NIPBL: variants seen among roughly 807,000 people sequenced by gnomAD.
The protein encoded by NIPBL is nipped-B-like protein.
A neutral mutation model predicts 321.8 loss-of-function variants in NIPBL; 19 were observed. The ratio of observed to expected loss-of-function variants is 0.06; its 90% CI spans 0.04 to 0.09. NIPBL has a LOEUF of 0.09. NIPBL is among the 10% of genes least tolerant of loss of function. The pLI is 1.00. For missense variants in NIPBL, 2,210 were observed against 3,327.0 expected (o/e 0.66, Z 8.26); for synonymous variants, 1,106 against 1,114.1 (o/e 0.99, Z 0.14).
intron 1 of NIPBL, among the ~76,000 whole-genome samples, chr5:36,926,858 A>G (rs756584222): frequency 1.3e-5 from 2 of 152,214 alleles, no homozygotes; most frequent in Non-Finnish European, 1.5e-5. Flanking sequence ...TAGATTGTGT[A>G]AATTCAAGTT....
chr5:37,014,665 C>T lies in NIPBL; in HGVS notation c.4561-18C>T. On this transcript the variant is annotated intron_variant, in intron 21 of 46. Transcript: ENST00000282516. ...ATTATTTCTTGTATCTTTATAAACT[C>T]ACTTTTTTTCATTCTAGATTGACCA... 6.7e-7 allele frequency: 1 copy of T among 1,492,170 alleles called. No individual in the cohort carries two copies. Among genetic ancestry groups the T allele is most frequent in the Non-Finnish European group, 9.3e-7 (1 of 1,069,520 alleles). 92.4% of individuals were successfully genotyped at this position (1,492,170 alleles called of 1,614,324 possible).
intron 9 of NIPBL, among the ~76,000 whole-genome samples, chr5:36,981,665 A>C (rs1744158539): frequency 6.6e-6 from 1 of 151,500 alleles, no homozygotes; most frequent in South Asian, 2.1e-4. Context: ...ATGTGCTGAA[A>C]ATTTCTGCTT....
chr5:36,997,370 G>A (rs929473700), intron 11 of NIPBL, among the ~76,000 whole-genome samples: 2 of 152,192 alleles, frequency 1.3e-5, no homozygotes, highest in Admixed American at 1.3e-4. Flanking sequence ...TCACAGTTAA[G>A]TGGAAAGGAT....
rs1202865142 is a variant in NIPBL at position 37,059,075 on chromosome 5, C to T, written c.7595C>T (p.Pro2532Leu). 13 of 1,614,038 alleles carry T rather than the reference C, an allele frequency of 8.1e-6. No individual in the cohort carries two copies. Among genetic ancestry groups the T allele is most frequent in the Non-Finnish European group, 1.1e-5 (13 of 1,180,016 alleles). ...VMKCLPENSA[P>L]LIEFANVSQG... ...AAATGTTTGCCAGAAAATTCAGCTC[C>T]TTTAATCGAATTTGCAAATGTGTCC... The change falls in exon 44 of 47, where the codon CCT becomes CTT. Residue 2532 changes from proline to leucine, a missense_variant. Physicochemically the swap from Pro to Leu is moderately conservative, Grantham distance 98 (BLOSUM62 -3). Around this residue, in one of 14 missense-constraint regions of NIPBL, gnomAD observed 79 missense variants for 90.8 expected, o/e 0.87. Transcript: ENST00000282516.
At chr5:37,021,993 T>A in intron 27 of NIPBL, 58 bp from the exon 28 acceptor site, 1 of 1,310,702 alleles carries the variant, frequency 7.6e-7, no homozygotes, top group Non-Finnish European at 1.1e-6. Flanking sequence ...TTCATGCTAT[T>A]TTTAATTAAA....
intron 1 of NIPBL, among the ~76,000 whole-genome samples, chr5:36,941,368 A>G (rs931771605): frequency 2.6e-5 from 4 of 152,114 alleles, no homozygotes; most frequent in East Asian, 1.9e-4. Flanking sequence ...TTAAACAACA[A>G]TAAAAGTCTC....
At chr5:37,001,107 A>G (rs1746745321) in intron 14 of NIPBL, 29 bp downstream of exon 14, 4 of 1,397,406 alleles carry the variant, frequency 2.9e-6, no homozygotes, top group East Asian at 2.3e-5. Flanking sequence ...ACATTTACAC[A>G]TACTCTAAGT....
In NIPBL at chr5:36,996,541, T is replaced by A; in HGVS notation, c.3304+737T>A. On this transcript the variant is annotated intron_variant, in intron 11 of 46. Transcript: ENST00000282516. This position sits in a 1 kb window ranked among gnomAD's most constrained non-coding sequence, Gnocchi z 5.0. ...TCACCTGTCTTTGCACTAGACTTGC[T>A]ATACCTCGCCTGTCTTCCTACTGGT... is the stretch of plus-strand genomic sequence containing the variant. 2.2e-6 allele frequency: 1 copy of A among 456,434 alleles called. No individual in the cohort carries two copies. The highest frequency in any genetic ancestry group is 2.3e-5 in the Admixed American group (1 of 42,566). 28.3% of individuals were successfully genotyped at this position (456,434 alleles called of 1,614,324 possible). A position where few individuals can be genotyped will look rare whatever the true frequency, so the allele number is the denominator to read the frequency against.
chr5:36,922,236 A>AT (rs1262338897), intron 1 of NIPBL, among the ~76,000 whole-genome samples: 2 of 151,708 alleles, frequency 1.3e-5, no homozygotes, highest in Non-Finnish European at 2.9e-5. Flanking sequence ...ATCACTGCCC[A>AT]TTTTCCACCT....
chr5:37,056,406 G>T (rs1042664902), intron 42 of NIPBL, among the ~76,000 whole-genome samples: 1 of 152,000 alleles, frequency 6.6e-6, no homozygotes, highest in African/African-American at 2.4e-5. Context: ...ATATTTAAAA[G>T]AAATTTGAAT....
chr5:36,939,073 G>T (rs1315811981), intron 1 of NIPBL, among the ~76,000 whole-genome samples: 2 of 152,112 alleles, frequency 1.3e-5, no homozygotes, highest in African/African-American at 2.4e-5. Flanking sequence ...TGTAGTCATA[G>T]CTTATTGCAC....
chr5:36,894,768 G>A (rs1033499355), intron 1 of NIPBL, among the ~76,000 whole-genome samples: 1 of 152,110 alleles, frequency 6.6e-6, no homozygotes, highest in Non-Finnish European at 1.5e-5. Context: ...CCTATGTGTA[G>A]GAGTTATAGA....
At chr5:37,040,419 T>G (rs1752205129) in intron 34 of NIPBL, among the ~76,000 whole-genome samples, 1 of 152,144 alleles carries the variant, frequency 6.6e-6, no homozygotes, top group African/African-American at 2.4e-5. Flanking sequence ...TTTATAGTTG[T>G]GGACACAGAG....
intron 36 of NIPBL, among the ~76,000 whole-genome samples, chr5:37,045,037 T>C (rs1752830439): frequency 6.6e-6 from 1 of 152,192 alleles, no homozygotes; most frequent in South Asian, 2.1e-4. Context: ...TCTAGACATA[T>C]TTAATATTTA....
In NIPBL at chr5:37,028,606, G is replaced by A. The variant is rs1005512695; in HGVS notation, c.5862+1194G>A. On this transcript the variant is annotated intron_variant, in intron 32 of 46. Coordinates refer to ENST00000282516, the MANE Select transcript of NIPBL (RefSeq NM_133433.4). The stretch of plus-strand genomic sequence containing the variant: ...TCTGCCCACCTCGGCCTCCCAAAGT[G>A]CTGAGATACAGGTGTGGGCCACCAT... Among the ~76,000 whole-genome samples, 5 of 152,100 alleles carry A rather than the reference G, an allele frequency of 3.3e-5. No homozygotes were observed. The East Asian group carries it at 5.8e-4, about 18-fold the overall frequency.
chr5:36,950,412 A>T (rs148191466), intron 1 of NIPBL, among the ~76,000 whole-genome samples: 1,573 of 152,150 alleles, frequency 0.01, 12 homozygotes, highest in Middle Eastern at 0.02. Context: ...CACCACTTAG[A>T]GGTGGGCTAC....
chr5:36,883,312 T>C lies in NIPBL; in HGVS notation c.-80+6134T>C, dbSNP rs545695099. Reference sequence around the variant, plus strand: ...TTCTCTTTTGTACATATTTCTCCTTTGACAGAAAAGAAAAACTTTTTCAGA... The same window carrying C: ...TTCTCTTTTGTACATATTTCTCCTTCGACAGAAAAGAAAAACTTTTTCAGA... On this transcript the variant is annotated intron_variant, in intron 1 of 46. Coordinates refer to ENST00000282516, the MANE Select transcript of NIPBL (RefSeq NM_133433.4). Among the ~76,000 whole-genome samples the C allele has an allele frequency of 2.0e-5, 3 of 152,020 alleles. No homozygotes were observed. The East Asian group carries it at 5.8e-4, about 29-fold the overall frequency.
At position 36,975,906 on chromosome 5, in the gene NIPBL, G is replaced by C. The variant is rs1396240068; in HGVS notation, c.999G>C (p.Lys333Asn). Residue 333 changes from lysine to asparagine, a missense_variant, in exon 9 of 47, where the codon AAG (lysine) becomes AAC (asparagine). Transcript: ENST00000282516. The stretch of plus-strand genomic sequence containing the variant: ...AGCAGAAGAAAATGAAATTAGGCAA[G>C]GATGAAAAAGAGCAGAGTGAGAAAG... ...QKKQKKMKLG[K>N]DEKEQSEKAA... The C allele has an allele frequency of 1.2e-6, 2 of 1,612,630 alleles. No individual in the cohort carries two copies. The highest frequency in any genetic ancestry group is 1.7e-6 in the Non-Finnish European group (2 of 1,179,314).
intron 29 of NIPBL, among the ~76,000 whole-genome samples, chr5:37,023,376 A>T (rs954962597): frequency 6.6e-6 from 1 of 152,216 alleles, no homozygotes; most frequent in African/African-American, 2.4e-5. Flanking sequence ...TGCACACTTC[A>T]TGTATGATGC....
Sources: allele counts gnomAD v4.1 joint callset (sites outside exome capture counted in the v4.1 genomes callset), GRCh38; gene constraint gnomAD v4.1.1; regional missense constraint gnomAD v4.1.1; non-coding constraint Gnocchi (gnomAD v3.1); transcripts MANE v1.5; gene names NCBI Gene and HGNC (gene_info 2026-07-23, HGNC 2026-07-21).